The following TRPM3 variants were observed in gnomAD, a reference collection of about 807,000 sequenced individuals.
TRPM3 encodes transient receptor potential cation channel subfamily M member 3.
A neutral mutation model predicts 181.2 loss-of-function variants in TRPM3; 77 were observed. The ratio of observed to expected loss-of-function variants is 0.42; its 90% CI spans 0.35 to 0.51. The LOEUF (loss-of-function observed/expected upper bound fraction) is 0.51, where lower values mean the gene tolerates loss of function less well. Ranked by LOEUF, TRPM3 falls within the 20% of genes least tolerant of loss-of-function variation. The pLI is 0.01. For missense variants in TRPM3, 1,759 were observed against 2,196.7 expected, an observed-to-expected ratio of 0.80 and a Z score of 3.98; for synonymous variants, 745 against 796.4, an observed-to-expected ratio of 0.94 and a Z score of 1.09.
At position 71,266,975 on chromosome 9, in the gene TRPM3, AT is replaced by A. The variant is rs59426739; in HGVS notation, c.183+179677del. ...CTTCTCTGGCCAAAAAAAAAAAAAA[AT>A]GTCATACCAAATGACAAAAGTTAAT... On this transcript the variant is annotated intron_variant, in intron 1 of 24. Coordinates refer to the TRPM3 transcript ENST00000357533. Among the ~76,000 whole-genome samples the A allele has an allele frequency of 6.4e-3, 976 of 151,640 alleles. 15 individuals are homozygous for A. The highest frequency in any genetic ancestry group is 0.022 in the African/African-American group (924 of 41,250).
chr9:70,746,017 G>T (rs1444648044), intron 8 of TRPM3, among the ~76,000 whole-genome samples: 1 of 152,038 alleles, frequency 6.6e-6, no homozygotes, highest in African/African-American at 2.4e-5. Context: ...TGCTTCCTAG[G>T]AGCCACACAC....
intron 1 of TRPM3, among the ~76,000 whole-genome samples, chr9:71,295,438 C>T (rs1588346834): frequency 6.7e-6 from 1 of 149,672 alleles, no homozygotes; most frequent in Non-Finnish European, 1.5e-5. Flanking sequence ...AGTAAATTAA[C>T]TCCATCATGG....
At chr9:70,832,503 G>T (rs1406663565) in intron 5 of TRPM3, among the ~76,000 whole-genome samples, 1 of 152,122 alleles carries the variant, frequency 6.6e-6, no homozygotes, top group Non-Finnish European at 1.5e-5. Flanking sequence ...TAAAATTCTG[G>T]TTCTGTATAC....
In TRPM3 at chr9:71,390,439, C is replaced by T. The variant is rs116153350; in HGVS notation, c.183+56214G>A. Among the ~76,000 whole-genome samples the T allele has an allele frequency of 6.5e-3, 981 of 152,070 alleles. 9 individuals carry two copies. Among genetic ancestry groups the T allele is most frequent in the African/African-American group, 0.022 (903 of 41,536 alleles). ...TCTCCAAATTTCAGCATTAGTTACT[C>T]GCAAATGTTTATATTCTGATCATTT... On this transcript the variant is annotated intron_variant, in intron 1 of 24. Coordinates refer to the TRPM3 transcript ENST00000357533.
chr9:71,038,556 C>T (rs375098350), intron 1 of TRPM3, among the ~76,000 whole-genome samples: 1 of 152,206 alleles, frequency 6.6e-6, no homozygotes, highest in African/African-American at 2.4e-5. Flanking sequence ...CTCTTCTTCC[C>T]TCTCTCCTTA....
intron 1 of TRPM3, among the ~76,000 whole-genome samples, chr9:71,395,575 T>G (rs111406349): frequency 6.6e-6 from 1 of 152,246 alleles, no homozygotes; most frequent in East Asian, 1.9e-4. Context: ...TCAGGTAACA[T>G]TGGTACCAAA....
intron 1 of TRPM3, among the ~76,000 whole-genome samples, chr9:71,368,348 G>A (rs965972162): frequency 6.6e-6 from 1 of 152,110 alleles, no homozygotes; most frequent in African/African-American, 2.4e-5. Context: ...AAAATTCTCA[G>A]GCAGCTGGCT....
At chr9:71,201,044 C>T (rs1179943496) in intron 1 of TRPM3, among the ~76,000 whole-genome samples, 1 of 152,066 alleles carries the variant, frequency 6.6e-6, no homozygotes, top group Non-Finnish European at 1.5e-5. Flanking sequence ...GTGCTTCCTT[C>T]AGGAGCTCTT....
At chr9:70,540,590 C>T (rs962438499) in intron 25 of TRPM3, among the ~76,000 whole-genome samples, 2 of 152,228 alleles carry the variant, frequency 1.3e-5, no homozygotes, top group African/African-American at 4.8e-5. Context: ...GCCCCAGCTA[C>T]TCAAGAGGCT....
chr9:71,073,040 T>A (rs2062983771), intron 1 of TRPM3, among the ~76,000 whole-genome samples: 1 of 152,206 alleles, frequency 6.6e-6, no homozygotes, highest in Admixed American at 6.5e-5. Context: ...AACAGTTTCC[T>A]TTGTCTTAAG....
At chr9:71,373,397 C>T (rs1248870259) in intron 1 of TRPM3, among the ~76,000 whole-genome samples, 1 of 151,042 alleles carries the variant, frequency 6.6e-6, no homozygotes, top group East Asian at 1.9e-4. Flanking sequence ...TAATAAAGAA[C>T]ATGAGAGAGA....
At chr9:71,331,804 A>G (rs200164839) in intron 1 of TRPM3, among the ~76,000 whole-genome samples, 147 of 50,926 alleles carry the variant, frequency 2.9e-3, no homozygotes, top group Middle Eastern at 0.024. Context: ...GAGGGAGGAG[A>G]AAGACGAGGA....
intron 7 of TRPM3, among the ~76,000 whole-genome samples, chr9:70,762,242 G>A (rs1179400048): frequency 3.3e-5 from 5 of 152,218 alleles, no homozygotes; most frequent in African/African-American, 1.2e-4. Context: ...TTTCATGTAG[G>A]CAGCAGCCTG....
At chr9:70,919,152 C>T (rs1227844799) in intron 1 of TRPM3, among the ~76,000 whole-genome samples, 1 of 152,108 alleles carries the variant, frequency 6.6e-6, no homozygotes, top group Non-Finnish European at 1.5e-5. Flanking sequence ...CAGATTTTCA[C>T]CCTCAGTAAA....
chr9:70,813,481 C>T (rs966525824), intron 6 of TRPM3, among the ~76,000 whole-genome samples: 2 of 152,172 alleles, frequency 1.3e-5, no homozygotes, highest in Admixed American at 6.5e-5. Context: ...TGCATACAAA[C>T]ATAAAGACAG....
intron 5 of TRPM3, among the ~76,000 whole-genome samples, chr9:70,839,036 T>C (rs527490897): frequency 6.6e-6 from 1 of 152,216 alleles, no homozygotes; most frequent in South Asian, 2.1e-4. Context: ...CCACCTTGAG[T>C]TGCTATCTAA....
intron 1 of TRPM3, among the ~76,000 whole-genome samples, chr9:71,323,212 A>G (rs1339009860): frequency 6.6e-6 from 1 of 152,150 alleles, no homozygotes; most frequent in African/African-American, 2.4e-5. Flanking sequence ...TTCATGTGTT[A>G]CAGCACAGTT....
chr9:70,556,247 T>C (rs2047672924), intron 22 of TRPM3, among the ~76,000 whole-genome samples: 1 of 151,974 alleles, frequency 6.6e-6, no homozygotes, highest in Admixed American at 6.6e-5. Context: ...TTTTTTTTTT[T>C]TAACATTATG....
intron 3 of TRPM3, among the ~76,000 whole-genome samples, chr9:70,847,868 G>A (rs7022926): frequency 0.57 from 86,228 of 151,996 alleles, 24,830 homozygotes; most frequent in Non-Finnish European, 0.58. Flanking sequence ...CTGGCTGGAC[G>A]ATGGTTCCAG....
Sources: gnomAD v4.1 joint callset for allele counts (sites outside exome capture counted in the v4.1 genomes callset) on GRCh38, gnomAD v4.1.1 for gene constraint, MANE v1.5 for transcripts, NCBI Gene and HGNC (gene_info 2026-07-23, HGNC 2026-07-21) for gene names.